PTPN12: variants seen among roughly 807,000 people sequenced by gnomAD.
The protein encoded by PTPN12 is protein tyrosine phosphatase non-receptor type 12.
PTPN12 carries 29 observed loss-of-function variants against 97.6 expected under a neutral mutation model. The ratio of observed to expected loss-of-function variants is 0.30; its 90% confidence interval spans 0.22 to 0.41. The LOEUF (loss-of-function observed/expected upper bound fraction) is 0.41. Among genes scored for constraint, PTPN12 ranks in the 10% least tolerant of loss-of-function variants. The probability of loss-of-function intolerance (pLI) is 1.00; values close to 1 mark genes in which losing one functional copy is unlikely to be tolerated. For synonymous variants in PTPN12, 327 were observed against 300.4 expected, an observed-to-expected ratio of 1.09 and a Z score of -0.91; for missense variants, 819 against 926.0, an observed-to-expected ratio of 0.88 and a Z score of 1.50.
At chr7:77,557,160 C>G (rs1414617979) in intron 1 of PTPN12, among the ~76,000 whole-genome samples, 1 of 151,954 alleles carries the variant, frequency 6.6e-6, no homozygotes, top group African/African-American at 2.4e-5. Flanking sequence ...GAGGTGGGGT[C>G]TCACTGTGTT....
intron 2 of PTPN12, among the ~76,000 whole-genome samples, chr7:77,575,407 C>A (rs1422294190): frequency 6.6e-6 from 1 of 152,080 alleles, no homozygotes; most frequent in East Asian, 1.9e-4. Context: ...ACTCAGTAGG[C>A]TGATGTGGGA....
chr7:77,608,111 G>A (rs1788437695), intron 9 of PTPN12, among the ~76,000 whole-genome samples: 1 of 152,090 alleles, frequency 6.6e-6, no homozygotes, highest in South Asian at 2.1e-4. Context: ...ATGTATTTAT[G>A]CCTGCTGGAG....
chr7:77,539,790 G>A (rs1479590914), intron 1 of PTPN12, among the ~76,000 whole-genome samples: 2 of 152,048 alleles, frequency 1.3e-5, no homozygotes, highest in East Asian at 1.9e-4. Flanking sequence ...CACCACGCCC[G>A]GCTAATTTTT....
chr7:77,552,496 A>G (rs1459643075), intron 1 of PTPN12, among the ~76,000 whole-genome samples: 1 of 152,202 alleles, frequency 6.6e-6, no homozygotes, highest in East Asian at 1.9e-4. Context: ...TAAAGAAGGT[A>G]TAGAGGTTTT....
chr7:77,550,517 A>G (rs1807432907), intron 1 of PTPN12, among the ~76,000 whole-genome samples: 2 of 152,222 alleles, frequency 1.3e-5, no homozygotes, highest in African/African-American at 4.8e-5. Context: ...AAATTTAACC[A>G]TTTCAATGCA....
chr7:77,619,883 A>T (rs1788874295), intron 12 of PTPN12, among the ~76,000 whole-genome samples: 1 of 152,204 alleles, frequency 6.6e-6, no homozygotes, highest in Non-Finnish European at 1.5e-5. Context: ...AATGTTCGAG[A>T]TGTTAACTGT....
intron 1 of PTPN12, among the ~76,000 whole-genome samples, chr7:77,553,211 G>T (rs1807557789): frequency 6.6e-6 from 1 of 152,158 alleles, no homozygotes; most frequent in South Asian, 2.1e-4. Context: ...CCAGAATTTG[G>T]TCTGTCTTGT....
chr7:77,573,546 T>C (rs984985041), intron 2 of PTPN12, among the ~76,000 whole-genome samples: 4 of 152,210 alleles, frequency 2.6e-5, no homozygotes, highest in South Asian at 2.1e-4. Flanking sequence ...TTTTAACTTA[T>C]GAATTTGGGA....
chr7:77,615,325 C>T lies in PTPN12; in HGVS notation c.940-3155C>T, dbSNP rs552261805. 2.0e-5 allele frequency among the ~76,000 whole-genome samples: 3 copies of T among 152,070 alleles called. 1 individual carries two copies. Among genetic ancestry groups the T allele is most frequent in the African/African-American group, 7.2e-5 (3 of 41,492 alleles). On this transcript the variant is annotated intron_variant, in intron 11 of 17. Transcript: ENST00000248594. ...ACCCTGATTTATAATTTATTTTCTT[C>T]TGCAGCTGATAATATTCTTAAATAT... is the stretch of plus-strand genomic sequence containing the variant.
chr7:77,559,329 G>C (rs191076944), intron 1 of PTPN12, among the ~76,000 whole-genome samples: 10 of 152,192 alleles, frequency 6.6e-5, no homozygotes, highest in Admixed American at 2.6e-4. Flanking sequence ...TCTTTTAGCT[G>C]TGATAAATTA....
intron 1 of PTPN12, chr7:77,563,878 A>T: frequency 2.6e-6 from 1 of 385,880 alleles, no homozygotes; most frequent in South Asian, 1.9e-5. Context: ...CCCTTTGGTT[A>T]TTTTAGCTGC....
In PTPN12 at chr7:77,610,973, C is replaced by T. The variant is rs766689991; in HGVS notation, c.866C>T (p.Ala289Val). 9.3e-6 allele frequency: 15 copies of T among 1,612,876 alleles called. No individual in the cohort carries two copies. Among genetic ancestry groups the T allele is most frequent in the Middle Eastern group, 1.7e-4 (1 of 6,000 alleles). Residue 289 changes from alanine (A) to valine (V), a missense_variant, in exon 11 of 18, where the codon GCT (alanine) becomes GTT (valine). Ala to Val is a moderately conservative substitution (Grantham distance 64). Transcript: ENST00000248594. ...GAGCAATATGAACTTGTTCATAGAGCTATTGCCCAACTGTTTGAAAAACAG... is the reference window on the plus strand; with the variant it reads ...GAGCAATATGAACTTGTTCATAGAGTTATTGCCCAACTGTTTGAAAAACAG... ...TKEQYELVHRAIAQLFEKQLQ... is the reference protein window; with the variant it reads ...TKEQYELVHRVIAQLFEKQLQ...
intron 2 of PTPN12, among the ~76,000 whole-genome samples, chr7:77,576,500 C>T (rs1158370910): frequency 6.6e-6 from 1 of 152,054 alleles, no homozygotes; most frequent in Admixed American, 6.5e-5. Context: ...AGATCAAGAC[C>T]AGCCTGGCCA....
chr7:77,559,854 A>G (rs1032828707), intron 1 of PTPN12, among the ~76,000 whole-genome samples: 2 of 152,248 alleles, frequency 1.3e-5, no homozygotes, highest in African/African-American at 4.8e-5. Context: ...ATAGGTTATT[A>G]TCTGTGAGGC....
intron 12 of PTPN12, among the ~76,000 whole-genome samples, chr7:77,621,471 C>G (rs1477120037): frequency 6.6e-6 from 1 of 152,146 alleles, no homozygotes. Flanking sequence ...GAGTTCGAGA[C>G]CAGCCTGGCC....
intron 1 of PTPN12, among the ~76,000 whole-genome samples, chr7:77,540,576 C>A (rs1806920144): frequency 6.6e-6 from 1 of 151,324 alleles, no homozygotes; most frequent in African/African-American, 2.4e-5. Context: ...CCTTTTTCTT[C>A]CATGATACCT....
intron 2 of PTPN12, among the ~76,000 whole-genome samples, chr7:77,579,225 G>A (rs1787435180): frequency 6.6e-6 from 1 of 152,130 alleles, no homozygotes; most frequent in African/African-American, 2.4e-5. Context: ...GGGTTCAAGT[G>A]ATTCTCCTGC....
In PTPN12 at chr7:77,638,204, C is replaced by T. The variant is rs539915746; in HGVS notation, c.2174-420C>T. The stretch of plus-strand genomic sequence containing the variant: ...CGATATCCTGACCTCATGATCGGCT[C>T]GCCTCGGCCTCCCAAAGTGCTGGGA... On this transcript the variant is annotated intron_variant, in intron 16 of 17. Transcript: ENST00000248594. Among the ~76,000 whole-genome samples, 8 of 151,724 alleles carry T rather than the reference C, an allele frequency of 5.3e-5. No individual in the cohort carries two copies. In the South Asian group the frequency reaches 1.5e-3, roughly 28 times the overall value.
chr7:77,600,759 G>A lies in PTPN12; in HGVS notation c.648G>A (p.Met216Ile). ...CTATTCTGGACATGATAAGCTTAAT[G>A]AGGAAATATCAAGAACATGAAGATG... ...FDSILDMISL[M>I]RKYQEHEDVP... The change falls in exon 8 of 18, where the codon ATG becomes ATA. Residue 216 changes from methionine (M) to isoleucine (I), a missense_variant. Met to Ile is a conservative substitution (Grantham distance 10). This residue lies in a region of PTPN12 where 42 missense variants were observed against 120.9 expected (regional missense o/e 0.35). Transcript: ENST00000248594. 6.2e-7 allele frequency: 1 copy of A among 1,611,250 alleles called. No individual in the cohort carries two copies. The highest frequency in any genetic ancestry group is 8.5e-7 in the Non-Finnish European group (1 of 1,178,484).
Sources: allele counts gnomAD v4.1 joint callset (sites outside exome capture counted in the v4.1 genomes callset), GRCh38; gene constraint gnomAD v4.1.1; regional missense constraint gnomAD v4.1.1; transcripts MANE v1.5; gene names NCBI Gene and HGNC (gene_info 2026-07-23, HGNC 2026-07-21).